MUSK: variants seen among roughly 807,000 people sequenced by gnomAD.
MUSK encodes muscle, skeletal receptor tyrosine-protein kinase.
In MUSK, 55 loss-of-function variants were observed where a neutral mutation model predicts 88.7. The ratio of observed to expected loss-of-function variants is 0.62; its 90% CI spans 0.50 to 0.78. MUSK has a LOEUF of 0.78. Ranked by LOEUF, MUSK falls within the 30% of genes least tolerant of loss-of-function variation. The pLI is 0.00. For missense variants in MUSK, 1,015 were observed against 1,074.3 expected, an observed-to-expected ratio of 0.94 and a Z score of 0.77; for synonymous variants, 387 against 391.9, an observed-to-expected ratio of 0.99 and a Z score of 0.15.
intron 3 of MUSK, among the ~76,000 whole-genome samples, chr9:110,689,242 T>TAA (rs1564216688): frequency 7.8e-5 from 9 of 115,610 alleles, no homozygotes; most frequent in South Asian, 5.0e-4. Flanking sequence ...TATATAAATA[T>TAA]ATAAACTATA....
rs114362384 is a variant in MUSK at position 110,787,683 on chromosome 9, C to T, written c.1779-7C>T. On this transcript the variant is annotated splice_polypyrimidine_tract_variant and splice_region_variant and intron_variant, in intron 13 of 14. Transcript: ENST00000374448. ...TTGGTTTCTTTTTCAATAAATGTAT[C>T]TCTCAGGGCACCAGGCTTACTTCCC... 1.2e-4 allele frequency: 190 copies of T among 1,610,742 alleles called. No individual in the cohort carries two copies. In the African/African-American group the frequency reaches 2.3e-3, roughly 20 times the overall value.
chr9:110,754,321 A>T (rs959815526), intron 7 of MUSK, among the ~76,000 whole-genome samples: 2 of 152,244 alleles, frequency 1.3e-5, no homozygotes, highest in African/African-American at 4.8e-5. Flanking sequence ...GCTGACTTCT[A>T]GATAATTTTA....
At position 110,716,008 on chromosome 9, in the gene MUSK, T is replaced by G. The variant is rs1028288799; in HGVS notation, c.629-18243T>G. Among the ~76,000 whole-genome samples the G allele has an allele frequency of 1.5e-4, 22 of 148,926 alleles. 1 individual carries two copies. The highest frequency in any genetic ancestry group is 5.4e-4 in the African/African-American group (21 of 38,926). ...GGAGGAAGGAGAGCTTCAGGAAGAG[T>G]AGCTAACGGATGCTAGGCTTATTAC... On this transcript the variant is annotated intron_variant, in intron 5 of 14. Coordinates refer to ENST00000374448, the MANE Select transcript of MUSK (RefSeq NM_005592.4).
intron 5 of MUSK, among the ~76,000 whole-genome samples, chr9:110,720,847 G>C (rs2076802108): frequency 6.6e-6 from 1 of 151,920 alleles, no homozygotes; most frequent in Admixed American, 6.6e-5. Flanking sequence ...TCTCAACAAA[G>C]TACTAGTGAA....
At position 110,734,499 on chromosome 9, in the gene MUSK, G is replaced by C. The variant is rs753372025; in HGVS notation, c.753+124G>C. On this transcript the variant is annotated intron_variant, in intron 6 of 14. Transcript: ENST00000374448. ...GGTCTCACCTACACCACTTTTCAAA[G>C]CCTCCCAATATCTTTGTCCTAGAAG... 3 of 1,225,756 alleles carry C rather than the reference G, an allele frequency of 2.4e-6. No homozygotes were observed. The East Asian group carries it at 7.2e-5, about 29-fold the overall frequency. 75.9% of individuals were successfully genotyped at this position (1,225,756 alleles called of 1,614,324 possible). A position where few individuals can be genotyped will look rare whatever the true frequency, so the allele number is the denominator to read the frequency against.
At chr9:110,724,689 A>G (rs1030236946) in intron 5 of MUSK, among the ~76,000 whole-genome samples, 1 of 151,976 alleles carries the variant, frequency 6.6e-6, no homozygotes, top group Non-Finnish European at 1.5e-5. Context: ...ACACTGAGAT[A>G]TTCATCTTGT....
At chr9:110,705,216 T>G (rs1298808487) in intron 5 of MUSK, among the ~76,000 whole-genome samples, 1 of 152,198 alleles carries the variant, frequency 6.6e-6, no homozygotes, top group East Asian at 1.9e-4. Context: ...GTTCTGTTGC[T>G]CCATTGATCT....
rs2077507148 is a variant in MUSK at position 110,767,810 on chromosome 9, C to T, written c.921-10C>T. 1 of 1,613,638 alleles carries T rather than the reference C, an allele frequency of 6.2e-7. No homozygotes were observed. The highest frequency in any genetic ancestry group is 1.1e-5 in the South Asian group (1 of 91,082). On this transcript the variant is annotated splice_polypyrimidine_tract_variant and intron_variant, in intron 8 of 14. Coordinates refer to ENST00000374448, the MANE Select transcript of MUSK (RefSeq NM_005592.4). ...ATGTGATTAGAAATGTTGTTCATTT[C>T]TTCTTTCAGTAAACCACAGAAAGAT...
At chr9:110,707,791 A>G (rs2076617744) in intron 5 of MUSK, among the ~76,000 whole-genome samples, 2 of 151,940 alleles carry the variant, frequency 1.3e-5, no homozygotes, top group Admixed American at 6.6e-5. Flanking sequence ...TGTTTAAACA[A>G]CTCCTTATTT....
intron 5 of MUSK, among the ~76,000 whole-genome samples, chr9:110,731,068 T>C (rs572397936): frequency 1.3e-4 from 20 of 152,198 alleles, no homozygotes; most frequent in African/African-American, 4.3e-4. Flanking sequence ...CCCCCAACCT[T>C]ACCAGAGAAG....
chr9:110,676,922 T>A (rs145829263), intron 1 of MUSK, among the ~76,000 whole-genome samples: 427 of 152,250 alleles, frequency 2.8e-3, no homozygotes, highest in African/African-American at 9.7e-3. Flanking sequence ...GAGAAGCATT[T>A]AAATAAGAAG....
chr9:110,680,284 A>G (rs182930221), intron 1 of MUSK, among the ~76,000 whole-genome samples: 1 of 152,280 alleles, frequency 6.6e-6, no homozygotes, highest in East Asian at 1.9e-4. Flanking sequence ...CTATTAAGGA[A>G]TTAAACTTTT....
intron 1 of MUSK, among the ~76,000 whole-genome samples, chr9:110,670,039 A>G (rs1396556640): frequency 6.6e-6 from 1 of 152,190 alleles, no homozygotes; most frequent in East Asian, 1.9e-4. Flanking sequence ...TTCTGGAGCC[A>G]TAAGGTCAAA....
chr9:110,768,491 A>C (rs902889814), intron 9 of MUSK, among the ~76,000 whole-genome samples: 9 of 152,206 alleles, frequency 5.9e-5, no homozygotes, highest in African/African-American at 2.2e-4. Flanking sequence ...ACTCTGTCTC[A>C]AACAAACAAA....
intron 5 of MUSK, among the ~76,000 whole-genome samples, chr9:110,705,700 G>A (rs1001340428): frequency 1.3e-5 from 2 of 152,166 alleles, no homozygotes; most frequent in African/African-American, 4.8e-5. Flanking sequence ...GGGAAGCACC[G>A]CTAGGTAAGA....
chr9:110,781,651 T>C (rs1216238458), intron 11 of MUSK, among the ~76,000 whole-genome samples: 7 of 152,196 alleles, frequency 4.6e-5, no homozygotes, highest in Non-Finnish European at 1.0e-4. Context: ...CAGAAATTTA[T>C]TTCTCACAGT....
intron 7 of MUSK, among the ~76,000 whole-genome samples, chr9:110,752,314 G>T (rs1346893955): frequency 6.6e-6 from 1 of 152,168 alleles, no homozygotes; most frequent in African/African-American, 2.4e-5. Flanking sequence ...GGGAAATGAG[G>T]CTACTTCGAT....
At chr9:110,689,350 ATATATAT>A in intron 3 of MUSK, among the ~76,000 whole-genome samples, 1 of 118,078 alleles carries the variant, frequency 8.5e-6, no homozygotes, top group African/African-American at 3.5e-5. Context: ...AAATATATAA[ATATATAT>A]AAATACATAT....
At chr9:110,745,823 G>A (rs990280008) in intron 6 of MUSK, among the ~76,000 whole-genome samples, 5 of 152,210 alleles carry the variant, frequency 3.3e-5, no homozygotes, top group African/African-American at 1.2e-4. Context: ...ACATAAGCCA[G>A]TTTTTATCAT....
Sources: allele counts gnomAD v4.1 joint callset (sites outside exome capture counted in the v4.1 genomes callset), GRCh38; gene constraint gnomAD v4.1.1; transcripts MANE v1.5; gene names NCBI Gene and HGNC (gene_info 2026-07-23, HGNC 2026-07-21).